The following WDR70 variants were observed in gnomAD, a reference collection of about 807,000 sequenced individuals.
WDR70 encodes WD repeat domain 70.
Under a neutral mutation model 88.6 loss-of-function variants are expected in WDR70, and 53 were observed. The observed-to-expected ratio is 0.60, with a 90% confidence interval of 0.48 to 0.75. The LOEUF (loss-of-function observed/expected upper bound fraction) is 0.75, where lower values mean the gene tolerates loss of function less well. Ranked by LOEUF, WDR70 falls within the 30% of genes least tolerant of loss-of-function variation. WDR70 has a pLI of 0.00. For synonymous variants in WDR70, 280 were observed against 270.0 expected, an observed-to-expected ratio of 1.04 and a Z score of -0.36; for missense variants, 610 against 823.2, an observed-to-expected ratio of 0.74 and a Z score of 3.17.
intron 8 of WDR70, among the ~76,000 whole-genome samples, chr5:37,509,949 C>T (rs1352768624): frequency 1.3e-5 from 2 of 151,814 alleles, no homozygotes; most frequent in African/African-American, 4.8e-5. Context: ...GTAGTCCCAA[C>T]TACTTGGGAG....
intron 10 of WDR70, among the ~76,000 whole-genome samples, chr5:37,659,905 G>C (rs1221019428): frequency 6.6e-6 from 1 of 152,138 alleles, no homozygotes; most frequent in Non-Finnish European, 1.5e-5. Context: ...TTCAACATAT[G>C]AATTTTGGGT....
At chr5:37,520,948 G>C (rs529137805) in intron 9 of WDR70, among the ~76,000 whole-genome samples, 1 of 152,276 alleles carries the variant, frequency 6.6e-6, no homozygotes, top group East Asian at 1.9e-4. Flanking sequence ...TGATACTAAT[G>C]TTAGAAGAAA....
chr5:37,448,502 A>G (rs933732058), intron 7 of WDR70, among the ~76,000 whole-genome samples: 1 of 152,222 alleles, frequency 6.6e-6, no homozygotes, highest in African/African-American at 2.4e-5. Context: ...ATATGTGTCT[A>G]TGTTTAAATT....
At chr5:37,427,939 A>G (rs886491354) in intron 5 of WDR70, among the ~76,000 whole-genome samples, 9 of 152,102 alleles carry the variant, frequency 5.9e-5, no homozygotes, top group East Asian at 1.9e-4. Context: ...AGTTCTGGAC[A>G]GTGAAATGTA....
chr5:37,705,740 C>T (rs753939954), intron 13 of WDR70, among the ~76,000 whole-genome samples: 6 of 152,138 alleles, frequency 3.9e-5, no homozygotes, highest in Non-Finnish European at 7.4e-5. Flanking sequence ...GGAAATACCA[C>T]ACTCCAAGGT....
At position 37,389,280 on chromosome 5, in the gene WDR70, A is replaced by T. The variant is rs1220848914; in HGVS notation, c.176-2720A>T. On this transcript the variant is annotated intron_variant, in intron 3 of 17. Transcript: ENST00000265107. Reference sequence around the variant, plus strand: ...GCTAATTTTTTGTATTTTAGTAGAGACAGGGTTTCACCTGTCGAGACCAGG... The same window carrying T: ...GCTAATTTTTTGTATTTTAGTAGAGTCAGGGTTTCACCTGTCGAGACCAGG... Among the ~76,000 whole-genome samples the T allele has an allele frequency of 1.3e-4, 18 of 137,592 alleles. 3 individuals carry two copies. Among genetic ancestry groups the T allele is most frequent in the African/African-American group, 6.4e-4 (18 of 28,064 alleles). 90.3% of individuals were successfully genotyped at this position (137,592 alleles called of 152,430 possible). A position where few individuals can be genotyped will look rare whatever the true frequency, so the allele number is the denominator to read the frequency against.
intron 5 of WDR70, among the ~76,000 whole-genome samples, chr5:37,416,746 A>C (rs888835187): frequency 2.0e-5 from 3 of 151,990 alleles, no homozygotes; most frequent in African/African-American, 7.2e-5. Flanking sequence ...TGCCTGGCTA[A>C]TTTTTGTAAT....
intron 5 of WDR70, among the ~76,000 whole-genome samples, chr5:37,399,447 G>GT (rs1749131626): frequency 6.6e-6 from 1 of 152,092 alleles, no homozygotes; most frequent in South Asian, 2.1e-4. Flanking sequence ...TCATGAAAGT[G>GT]TTTTTACAGA....
intron 7 of WDR70, among the ~76,000 whole-genome samples, chr5:37,475,342 C>A (rs1479845018): frequency 6.6e-6 from 1 of 152,024 alleles, no homozygotes; most frequent in African/African-American, 2.4e-5. Flanking sequence ...TCAAGCAATT[C>A]TCCTGCCTCA....
intron 9 of WDR70, among the ~76,000 whole-genome samples, chr5:37,543,748 T>C (rs943475706): frequency 2.0e-5 from 3 of 152,138 alleles, no homozygotes; most frequent in African/African-American, 4.8e-5. Context: ...ATAAAGATTA[T>C]AGTTTGTTGC....
chr5:37,638,934 A>T (rs1745039568), intron 10 of WDR70, among the ~76,000 whole-genome samples: 1 of 152,248 alleles, frequency 6.6e-6, no homozygotes, highest in Admixed American at 6.5e-5. Flanking sequence ...AATTTAATAT[A>T]CCATGGTACT....
intron 10 of WDR70, among the ~76,000 whole-genome samples, chr5:37,629,166 C>T (rs896345504): frequency 2.6e-5 from 4 of 152,074 alleles, no homozygotes; most frequent in African/African-American, 9.7e-5. Context: ...ATGGAGATTC[C>T]CTTATTTATG....
In WDR70 at chr5:37,632,031, C is replaced by G. The variant is rs186474544; in HGVS notation, c.1092+26793C>G. ...CAAGTTGGAGAGGTCAGTTTAGACT[C>G]AAGTACAGTCATGCACCACCTAACA... is the stretch of plus-strand genomic sequence containing the variant. On this transcript the variant is annotated intron_variant, in intron 10 of 17. Transcript: ENST00000265107. Among the ~76,000 whole-genome samples the G allele has an allele frequency of 2.8e-4, 43 of 152,244 alleles. 1 individual carries two copies. The East Asian group carries it at 8.3e-3, about 29-fold the overall frequency.
chr5:37,528,096 A>G (rs1357728706), intron 9 of WDR70, among the ~76,000 whole-genome samples: 1 of 152,230 alleles, frequency 6.6e-6, no homozygotes, highest in Non-Finnish European at 1.5e-5. Flanking sequence ...CTATAACTAG[A>G]AACAGCATTT....
intron 9 of WDR70, among the ~76,000 whole-genome samples, chr5:37,558,020 C>T (rs960115131): frequency 3.4e-4 from 6 of 17,490 alleles, no homozygotes; most frequent in African/African-American, 9.8e-4. Flanking sequence ...AAACTAATAT[C>T]GGTTTATTAC....
intron 10 of WDR70, among the ~76,000 whole-genome samples, chr5:37,690,350 T>C (rs1746750939): frequency 6.6e-6 from 1 of 152,012 alleles, no homozygotes. Flanking sequence ...ATTCAGGAAA[T>C]ACAGAGAACA....
At chr5:37,595,570 G>C (rs1041736934) in intron 9 of WDR70, among the ~76,000 whole-genome samples, 1 of 152,122 alleles carries the variant, frequency 6.6e-6, no homozygotes, top group African/African-American at 2.4e-5. Flanking sequence ...TGAATGTTTG[G>C]AGATAGAAAT....
At chr5:37,737,357 A>G (rs759247640) in intron 17 of WDR70, among the ~76,000 whole-genome samples, 1 of 152,194 alleles carries the variant, frequency 6.6e-6, no homozygotes, top group Non-Finnish European at 1.5e-5. Flanking sequence ...TCAAGCCTAT[A>G]ACTGTAACTA....
chr5:37,723,386 A>G lies in WDR70; in HGVS notation c.1597+452A>G, dbSNP rs955117956. On this transcript the variant is annotated intron_variant, in intron 15 of 17. Coordinates refer to ENST00000265107, the MANE Select transcript of WDR70 (RefSeq NM_018034.4). ...CAGCTTTCTCTGAAATTCTATGACC[A>G]TGTGCTAGACTGATCCACAGGAATT... 3.3e-5 allele frequency: 6 copies of G among 181,146 alleles called. No individual in the cohort carries two copies. In the Admixed American group the frequency reaches 3.3e-4, roughly 10 times the overall value. The allele number at this position is 181,146 out of a possible 1,614,324, so 11.2% of individuals were successfully genotyped here.
Sources: gnomAD v4.1 joint callset for allele counts (sites outside exome capture counted in the v4.1 genomes callset) on GRCh38, gnomAD v4.1.1 for gene constraint, MANE v1.5 for transcripts, NCBI Gene and HGNC (gene_info 2026-07-23, HGNC 2026-07-21) for gene names.